Variants in TACR3 observed in about 807,000 individuals in gnomAD.
TACR3 encodes the protein tachykinin receptor 3.
TACR3 carries 34 observed loss-of-function variants against 35.0 expected under a neutral mutation model. That is an observed-to-expected ratio of 0.97 (90% CI 0.74 to 1.30). The LOEUF (loss-of-function observed/expected upper bound fraction) is 1.30. TACR3 is among the 50% of genes most tolerant of loss of function. The probability of loss-of-function intolerance (pLI) is 0.00; values close to 1 mark genes in which losing one functional copy is unlikely to be tolerated. For synonymous variants in TACR3, 233 were observed against 221.1 expected, an observed-to-expected ratio of 1.05 and a Z score of -0.48; for missense variants, 558 against 591.7, an observed-to-expected ratio of 0.94 and a Z score of 0.59.
At chr4:103,696,751 G>T (rs1010568921) in intron 1 of TACR3, among the ~76,000 whole-genome samples, 2 of 152,076 alleles carry the variant, frequency 1.3e-5, no homozygotes, top group Admixed American at 1.3e-4. Context: ...TGCGAATCTA[G>T]AATCTGAAGA....
intron 3 of TACR3, among the ~76,000 whole-genome samples, chr4:103,653,693 A>C (rs1349071640): frequency 6.6e-6 from 1 of 152,036 alleles, no homozygotes; most frequent in African/African-American, 2.4e-5. Flanking sequence ...CAAAATTGAC[A>C]AATGGGATCT....
At chr4:103,596,684 A>G (rs924657423) in intron 3 of TACR3, among the ~76,000 whole-genome samples, 5 of 152,030 alleles carry the variant, frequency 3.3e-5, no homozygotes, top group Non-Finnish European at 7.4e-5. Context: ...TACATGTCCC[A>G]TGTTGGTCTG....
In TACR3 at chr4:103,586,928, CT is replaced by C. The variant is rs764081398; in HGVS notation, c.*2753del. 9.9e-5 allele frequency: 15 copies of C among 151,804 alleles called. No individual in the cohort carries two copies. The highest frequency in any genetic ancestry group is 1.8e-4 in the Non-Finnish European group (12 of 67,954). 9.4% of individuals were successfully genotyped at this position (151,804 alleles called of 1,614,324 possible). A position where few individuals can be genotyped will look rare whatever the true frequency, so the allele number is the denominator to read the frequency against. ...AGAGAATACTTACAATGATGTAAGC[CT>C]TTTTGATTCTTTCATATTTGTTTAA... is the stretch of plus-strand genomic sequence containing the variant. On this transcript the variant is annotated 3_prime_UTR_variant, in exon 5 of 5. Coordinates refer to ENST00000304883, the MANE Select transcript of TACR3 (RefSeq NM_001059.3).
chr4:103,615,818 G>C lies in TACR3; in HGVS notation c.889-24135C>G, dbSNP rs113544817. ...TATATAGAGCATAAAATTAACCAAG[G>C]CATGAAATCTCGGTATATTTTTTTG... On this transcript the variant is annotated intron_variant, in intron 3 of 4. Coordinates refer to ENST00000304883, the MANE Select transcript of TACR3 (RefSeq NM_001059.3). Among the ~76,000 whole-genome samples, 1,014 of 151,974 alleles carry C rather than the reference G, an allele frequency of 6.7e-3. 9 individuals are homozygous for C. Among genetic ancestry groups the C allele is most frequent in the African/African-American group, 0.023 (949 of 41,480 alleles).
intron 1 of TACR3, among the ~76,000 whole-genome samples, chr4:103,659,567 C>CTCATAT (rs1381447670): frequency 2.0e-5 from 3 of 152,124 alleles, no homozygotes; most frequent in African/African-American, 7.2e-5. Flanking sequence ...CTATGCCTTC[C>CTCATAT]TGTTATACCT....
chr4:103,608,540 C>T (rs914871131), intron 3 of TACR3, among the ~76,000 whole-genome samples: 2 of 151,874 alleles, frequency 1.3e-5, no homozygotes, highest in Non-Finnish European at 2.9e-5. Flanking sequence ...ACATGTACCC[C>T]GTGAATCTGA....
At chr4:103,671,019 C>A (rs59992580) in intron 1 of TACR3, among the ~76,000 whole-genome samples, 23,424 of 151,894 alleles carry the variant, frequency 0.15, 2,353 homozygotes, top group East Asian at 0.43. Flanking sequence ...TTAATCATGA[C>A]ATGACATTGA....
At chr4:103,602,634 GGAGTTTGCCTA>G (rs946192927) in intron 3 of TACR3, among the ~76,000 whole-genome samples, 1 of 148,482 alleles carries the variant, frequency 6.7e-6, no homozygotes, top group Admixed American at 6.6e-5. Context: ...CAGGTCTGTT[GGAGTTTGCCTA>G]GAGGTCCACT....
intron 1 of TACR3, among the ~76,000 whole-genome samples, chr4:103,707,238 A>G (rs1722815593): frequency 6.6e-6 from 1 of 152,236 alleles, no homozygotes; most frequent in Admixed American, 6.5e-5. Flanking sequence ...CTGTCTTTAC[A>G]GAGAGTGTAA....
intron 1 of TACR3, among the ~76,000 whole-genome samples, chr4:103,699,879 C>T (rs28592258): frequency 2.0e-5 from 3 of 151,670 alleles, no homozygotes; most frequent in Non-Finnish European, 1.5e-5. Context: ...ACTCAGATGG[C>T]GATGTTGAGG....
chr4:103,643,422 T>C (rs1162063873), intron 3 of TACR3, among the ~76,000 whole-genome samples: 5 of 132,820 alleles, frequency 3.8e-5, no homozygotes, highest in Non-Finnish European at 7.8e-5. Context: ...AGACATTGTC[T>C]AAAAAAAAGA....
At chr4:103,636,344 T>A (rs895426789) in intron 3 of TACR3, among the ~76,000 whole-genome samples, 1 of 139,634 alleles carries the variant, frequency 7.2e-6, no homozygotes, top group Non-Finnish European at 1.5e-5. Context: ...TTGGTAAGTA[T>A]GTGCAGTCCC....
intron 1 of TACR3, among the ~76,000 whole-genome samples, chr4:103,681,474 G>A (rs1722087989): frequency 6.6e-6 from 1 of 151,946 alleles, no homozygotes; most frequent in African/African-American, 2.4e-5. Flanking sequence ...AAGTAAAATG[G>A]TAGAAAAAGA....
chr4:103,673,649 C>T (rs138676189), intron 1 of TACR3, among the ~76,000 whole-genome samples: 50 of 152,054 alleles, frequency 3.3e-4, no homozygotes, highest in East Asian at 2.7e-3. Context: ...AAATGTGACA[C>T]GAAAAAATGA....
At chr4:103,686,157 G>T (rs550326960) in intron 1 of TACR3, among the ~76,000 whole-genome samples, 27 of 152,308 alleles carry the variant, frequency 1.8e-4, no homozygotes, top group African/African-American at 6.5e-4. Context: ...CTGCTGATCT[G>T]CAAGGCTGAT....
intron 3 of TACR3, among the ~76,000 whole-genome samples, chr4:103,627,383 G>T (rs1048913206): frequency 2.8e-5 from 4 of 145,086 alleles, no homozygotes; most frequent in Non-Finnish European, 6.0e-5. Context: ...AAAAAGCTGG[G>T]CATGGTGGTG....
chr4:103,701,515 C>T lies in TACR3; in HGVS notation c.548+17613G>A, dbSNP rs1383819892. On this transcript the variant is annotated intron_variant, in intron 1 of 4. Transcript: ENST00000304883. Reference sequence around the variant, plus strand: ...ATTCAATGCCATCCCCATCAAGCTACCCATGACTTTCTTCACAGAATTGGA... The same window carrying T: ...ATTCAATGCCATCCCCATCAAGCTATCCATGACTTTCTTCACAGAATTGGA... Among the ~76,000 whole-genome samples the T allele has an allele frequency of 7.9e-5, 12 of 152,086 alleles. No homozygotes were observed. In the East Asian group the frequency reaches 1.9e-3, roughly 24 times the overall value.
intron 3 of TACR3, among the ~76,000 whole-genome samples, chr4:103,619,521 G>C (rs1263181199): frequency 6.6e-6 from 1 of 152,014 alleles, no homozygotes; most frequent in African/African-American, 2.4e-5. Flanking sequence ...TCCTTCTTTT[G>C]CCTGACTGCT....
At chr4:103,613,915 C>A (rs62340650) in intron 3 of TACR3, among the ~76,000 whole-genome samples, 1 of 151,706 alleles carries the variant, frequency 6.6e-6, no homozygotes, top group Non-Finnish European at 1.5e-5. Context: ...GAGGCAGAGA[C>A]AGAAAGAGAA....
Sources: gnomAD v4.1 joint callset for allele counts (sites outside exome capture counted in the v4.1 genomes callset) on GRCh38, gnomAD v4.1.1 for gene constraint, MANE v1.5 for transcripts, NCBI Gene and HGNC (gene_info 2026-07-23, HGNC 2026-07-21) for gene names.